Variants in ARMC9 observed in about 807,000 individuals in gnomAD.
ARMC9 encodes the protein armadillo repeat containing 9.
In ARMC9, 94 loss-of-function variants were observed where a neutral mutation model predicts 107.0. The observed-to-expected ratio is 0.88, with a 90% CI of 0.74 to 1.04. The LOEUF (loss-of-function observed/expected upper bound fraction) is 1.04. ARMC9 is among the 50% of genes least tolerant of loss of function. The pLI, the probability that ARMC9 is intolerant of heterozygous loss-of-function variation, is 0.00. For missense variants in ARMC9, 942 were observed against 1,030.1 expected (o/e 0.91, Z 1.17); for synonymous variants, 380 against 396.9 (o/e 0.96, Z 0.51).
At chr2:231,260,371 T>C (rs999669532) in intron 11 of ARMC9, among the ~76,000 whole-genome samples, 4 of 152,214 alleles carry the variant, frequency 2.6e-5, no homozygotes, top group African/African-American at 7.2e-5. Context: ...AACTGCTGAC[T>C]CAAGCCAACA....
rs190751378 is a variant in ARMC9 at position 231,231,318 on chromosome 2, T to C, written c.623-3906T>C. Among the ~76,000 whole-genome samples, 6 of 152,356 alleles carry C rather than the reference T, an allele frequency of 3.9e-5. No homozygotes were observed. In the East Asian group the frequency reaches 1.2e-3, roughly 29 times the overall value. ...ATATGGGATTATGAATAGTATTCTG[T>C]AGAATTTTCATCTTTGAAAGTTTTA... On this transcript the variant is annotated intron_variant, in intron 7 of 24. Transcript: ENST00000611582.
intron 19 of ARMC9, among the ~76,000 whole-genome samples, chr2:231,302,990 C>T (rs988212428): frequency 1.2e-4 from 19 of 152,066 alleles, no homozygotes; most frequent in Admixed American, 5.9e-4. Context: ...GGTGACGGAG[C>T]GAGACTCCGT....
intron 5 of ARMC9, among the ~76,000 whole-genome samples, chr2:231,217,987 CTTGTTTGT>C (rs139337150): frequency 6.6e-6 from 1 of 151,802 alleles, no homozygotes; most frequent in African/African-American, 2.4e-5. Context: ...GCCACCGCGC[CTTGTTTGT>C]TTGTTTTTTG....
At position 231,363,360 on chromosome 2, in the gene ARMC9, A is replaced by G. The variant is rs79595258; in HGVS notation, c.2261+2477A>G. 1.3e-4 allele frequency among the ~76,000 whole-genome samples: 20 copies of G among 152,338 alleles called. No individual in the cohort carries two copies. The East Asian group carries it at 3.3e-3, about 25-fold the overall frequency. On this transcript the variant is annotated intron_variant, in intron 23 of 24. Transcript: ENST00000611582. ...CCAGAAGAAGAATTGGTGGATGGGC[A>G]GGAAGCCCTTGGGGCAGAGGTCTGG...
chr2:231,352,686 G>T (rs2045145176), intron 21 of ARMC9, among the ~76,000 whole-genome samples: 1 of 151,480 alleles, frequency 6.6e-6, no homozygotes, highest in Non-Finnish European at 1.5e-5. Context: ...TAGATAGATA[G>T]ATAGATAGAT....
chr2:231,223,985 AT>A (rs368048831), intron 6 of ARMC9, among the ~76,000 whole-genome samples: 88 of 148,988 alleles, frequency 5.9e-4, no homozygotes, highest in African/African-American at 1.0e-3. Context: ...TCTCAGCTTA[AT>A]TTTTTTTTTT....
chr2:231,232,653 G>T (rs757277485), intron 7 of ARMC9, among the ~76,000 whole-genome samples: 5 of 151,838 alleles, frequency 3.3e-5, no homozygotes, highest in Non-Finnish European at 7.4e-5. Flanking sequence ...GTTTCACCAT[G>T]TTGGCCAGAC....
At chr2:231,292,706 A>G (rs1490999079) in intron 18 of ARMC9, among the ~76,000 whole-genome samples, 1 of 152,192 alleles carries the variant, frequency 6.6e-6, no homozygotes, top group Non-Finnish European at 1.5e-5. Context: ...GTCTCTCTCC[A>G]TGCCCTTCCC....
chr2:231,276,863 G>A (rs1463913638), intron 15 of ARMC9, 88 bp downstream of exon 15: 1 of 1,509,596 alleles, frequency 6.6e-7, no homozygotes, highest in Non-Finnish European at 8.9e-7. Context: ...GATATGGTTT[G>A]CTTTTAGTCT....
At chr2:231,283,281 T>A (rs916418094) in intron 17 of ARMC9, among the ~76,000 whole-genome samples, 3 of 152,088 alleles carry the variant, frequency 2.0e-5, no homozygotes, top group Non-Finnish European at 4.4e-5. Flanking sequence ...GAAAAATGAT[T>A]GAATAAATAA....
At position 231,271,011 on chromosome 2, in the gene ARMC9, G is replaced by A. The variant is rs751736472; in HGVS notation, c.1149G>A (p.Thr383=). ...GTGTGCTTCAGTTGCTGCACTCCAC[G>A]AGCGACGTGGTGCGGCAGTACATGG... is the stretch of plus-strand genomic sequence containing the variant. ...QRSVLQLLHS[T]SDVVRQYMAR... The change falls in exon 13 of 25, where the codon ACG becomes ACA. Residue 383 remains threonine, a synonymous_variant. Transcript: ENST00000611582. 2.0e-5 allele frequency: 33 copies of A among 1,614,008 alleles called. No individual in the cohort carries two copies. Among genetic ancestry groups the A allele is most frequent in the East Asian group, 4.5e-5 (2 of 44,898 alleles).
intron 21 of ARMC9, among the ~76,000 whole-genome samples, chr2:231,348,781 A>G (rs1038067677): frequency 6.6e-6 from 1 of 152,224 alleles, no homozygotes. Context: ...AAAGATTTGA[A>G]TAGACATTTC....
At chr2:231,289,855 C>T (rs1040939745) in intron 17 of ARMC9, among the ~76,000 whole-genome samples, 15 of 152,214 alleles carry the variant, frequency 9.9e-5, no homozygotes, top group African/African-American at 3.6e-4. Context: ...ACCCTCTGCT[C>T]TTCTCTCACT....
chr2:231,263,657 T>C (rs1277494014), intron 12 of ARMC9, among the ~76,000 whole-genome samples: 1 of 152,234 alleles, frequency 6.6e-6, no homozygotes, highest in Non-Finnish European at 1.5e-5. Flanking sequence ...TACACATTCA[T>C]CTGTTGTGCA....
At chr2:231,305,423 A>G (rs1401222684) in intron 19 of ARMC9, among the ~76,000 whole-genome samples, 1 of 152,264 alleles carries the variant, frequency 6.6e-6, no homozygotes, top group Non-Finnish European at 1.5e-5. Flanking sequence ...CCAAGTATTT[A>G]CATAAGAGAT....
chr2:231,259,272 T>A (rs186730213), intron 11 of ARMC9, among the ~76,000 whole-genome samples, 170 bp downstream of exon 11: 1 of 152,260 alleles, frequency 6.6e-6, no homozygotes, highest in Admixed American at 6.5e-5. Flanking sequence ...AGCCTGGGCC[T>A]CCTTTTAGAA....
chr2:231,361,908 G>A (rs2125594752), intron 23 of ARMC9, among the ~76,000 whole-genome samples: 1 of 152,312 alleles, frequency 6.6e-6, no homozygotes, highest in South Asian at 2.1e-4. Flanking sequence ...GCAGACAGGA[G>A]GAGGATGTAA....
In ARMC9 at chr2:231,307,109, G is replaced by A. The variant is rs900052782; in HGVS notation, c.1773+10856G>A. On this transcript the variant is annotated intron_variant, in intron 19 of 24. Transcript: ENST00000611582. ...CCCCTCTCCATCTCAATTTTGCCTG[G>A]GAACAGCTCTGCTCCATGGAAAAGA... Among the ~76,000 whole-genome samples, 108 of 152,264 alleles carry A rather than the reference G, an allele frequency of 7.1e-4. 1 individual carries two copies. Among genetic ancestry groups the A allele is most frequent in the African/African-American group, 2.5e-3 (103 of 41,546 alleles).
At chr2:231,288,809 A>G in intron 17 of ARMC9, 1 of 444,898 alleles carries the variant, frequency 2.2e-6, no homozygotes. Flanking sequence ...GTGCTGCAGT[A>G]TCACTCCAGA....
Sources: allele counts gnomAD v4.1 joint callset (sites outside exome capture counted in the v4.1 genomes callset), GRCh38; gene constraint gnomAD v4.1.1; transcripts MANE v1.5; gene names NCBI Gene and HGNC (gene_info 2026-07-23, HGNC 2026-07-21).